ZBTB7C: variants seen among roughly 807,000 people sequenced by gnomAD.
The protein encoded by ZBTB7C is zinc finger and BTB domain containing 7C.
In ZBTB7C, 8 loss-of-function variants were observed where a neutral mutation model predicts 25.7. The ratio of observed to expected loss-of-function variants is 0.31; its 90% CI spans 0.18 to 0.56. The LOEUF is 0.56. ZBTB7C is among the 20% of genes least tolerant of loss of function. ZBTB7C has a pLI of 0.91. For missense variants in ZBTB7C, 824 were observed against 855.2 expected, an observed-to-expected ratio of 0.96 and a Z score of 0.46; for synonymous variants, 394 against 369.0, an observed-to-expected ratio of 1.07 and a Z score of -0.78.
At chr18:48,112,260 C>CT (rs1048802422) in intron 3 of ZBTB7C, among the ~76,000 whole-genome samples, 5,973 of 119,964 alleles carry the variant, frequency 0.05, 162 homozygotes, top group Middle Eastern at 0.065. Flanking sequence ...TAATTTTTTT[C>CT]TTTTTTTTTT....
intron 4 of ZBTB7C, among the ~76,000 whole-genome samples, chr18:48,033,977 A>G (rs1442918893): frequency 6.6e-6 from 1 of 152,092 alleles, no homozygotes; most frequent in Non-Finnish European, 1.5e-5. Flanking sequence ...CATCTGGGTA[A>G]TGGGCTTCTG....
In ZBTB7C at chr18:48,165,030, T is replaced by C. The variant is rs2041195885; in HGVS notation, c.-17+20904A>G. On this transcript the variant is annotated intron_variant, in intron 3 of 4. Coordinates refer to ENST00000590800, the MANE Select transcript of ZBTB7C (RefSeq NM_001318841.2). Reference sequence around the variant, plus strand: ...AGGAAATCTTAAGCCAAAACAATTCTATACATCCTGTTGCTGATCAAGAGG... The same window carrying C: ...AGGAAATCTTAAGCCAAAACAATTCCATACATCCTGTTGCTGATCAAGAGG... The C allele has an allele frequency of 3.3e-6, 4 of 1,221,108 alleles. No individual in the cohort carries two copies. In the Admixed American group the frequency reaches 8.7e-5, roughly 27 times the overall value. 75.6% of individuals were successfully genotyped at this position (1,221,108 alleles called of 1,614,324 possible).
At chr18:48,061,622 T>C (rs927715679) in intron 3 of ZBTB7C, among the ~76,000 whole-genome samples, 2 of 152,172 alleles carry the variant, frequency 1.3e-5, no homozygotes, top group African/African-American at 4.8e-5. Context: ...AACACAAATG[T>C]AGGTAAAATC....
chr18:48,349,198 CA>C (rs1050949685), intron 1 of ZBTB7C, among the ~76,000 whole-genome samples: 4 of 152,186 alleles, frequency 2.6e-5, no homozygotes, highest in African/African-American at 9.6e-5. Flanking sequence ...CCATACCCAT[CA>C]GGGGAGGGAG....
Position 48,041,086 on chromosome 18 carries a change from G to A in ZBTB7C, c.22C>T (p.Leu8Phe), listed in dbSNP as rs1391917873. 6.2e-7 allele frequency: 1 copy of A among 1,604,886 alleles called. No homozygotes were observed. The highest frequency in any genetic ancestry group is 1.7e-5 in the Admixed American group (1 of 59,852). The change falls in exon 4 of 5, where the codon CTC becomes TTC. Residue 8 changes from leucine to phenylalanine, a missense_variant. This residue lies in a region of ZBTB7C where 117 missense variants were observed against 167.7 expected (regional missense o/e 0.70). Transcript: ENST00000590800. MANDIDE[L>F]IGIPFPNHSS... ...TGGTTGGGGAAGGGAATGCCAATGA[G>A]CTCATCAATGTCATTGGCCATGTTC...
chr18:48,232,390 GCCACC>G (rs2043279140), intron 2 of ZBTB7C, among the ~76,000 whole-genome samples: 2 of 152,184 alleles, frequency 1.3e-5, no homozygotes, highest in South Asian at 4.2e-4. Flanking sequence ...GTTGTTTTAA[GCCACC>G]TACTTTGTCA....
At chr18:48,354,135 A>T (rs985498539) in intron 1 of ZBTB7C, among the ~76,000 whole-genome samples, 1 of 152,092 alleles carries the variant, frequency 6.6e-6, no homozygotes, top group Non-Finnish European at 1.5e-5. Flanking sequence ...CTGCACACAA[A>T]ACTCCATCTT....
chr18:48,173,556 G>C (rs1310360522), intron 3 of ZBTB7C, among the ~76,000 whole-genome samples: 1 of 152,168 alleles, frequency 6.6e-6, no homozygotes, highest in South Asian at 2.1e-4. Context: ...ATCTTTCCAA[G>C]GCCTGGCAAA....
intron 2 of ZBTB7C, among the ~76,000 whole-genome samples, chr18:48,319,112 C>CTGTGTGTGTGTGTGTGTGTG (rs143825394): frequency 1.8e-3 from 267 of 147,458 alleles, no homozygotes; most frequent in Non-Finnish European, 2.2e-3. Flanking sequence ...CAGAATGCCT[C>CTGTGTGTGTGTGTGTGTGTG]TGTGTGTGTG....
intron 2 of ZBTB7C, among the ~76,000 whole-genome samples, chr18:48,233,795 T>C (rs1384392732): frequency 6.6e-6 from 1 of 152,178 alleles, no homozygotes; most frequent in Admixed American, 6.5e-5. Flanking sequence ...GTAAATTATA[T>C]CAGCTGCTGC....
intron 3 of ZBTB7C, among the ~76,000 whole-genome samples, chr18:48,121,093 C>G (rs929764302): frequency 5.9e-5 from 9 of 152,236 alleles, no homozygotes; most frequent in African/African-American, 2.2e-4. Context: ...CCCTGCAGAG[C>G]CATGCCCATG....
chr18:48,395,264 AATGT>A (rs747752865), intron 1 of ZBTB7C, among the ~76,000 whole-genome samples: 20 of 97,642 alleles, frequency 2.0e-4, no homozygotes, highest in Non-Finnish European at 2.8e-4. Flanking sequence ...AGAGAGAGAG[AATGT>A]GTGTGTGTGT....
In ZBTB7C at chr18:48,278,138, T is replaced by C. The variant is rs555339999; in HGVS notation, c.-79+60036A>G. Among the ~76,000 whole-genome samples the C allele has an allele frequency of 3.3e-5, 5 of 152,356 alleles. No homozygotes were observed. The East Asian group carries it at 7.7e-4, about 24-fold the overall frequency. ...TCTGACCAACAGAATGTGGCACCAA[T>C]GACCTTCTGGGCTTGACGTGATCTT... On this transcript the variant is annotated intron_variant, in intron 2 of 4. Coordinates refer to ENST00000590800, the MANE Select transcript of ZBTB7C (RefSeq NM_001318841.2).
chr18:48,234,110 T>C (rs947255445), intron 2 of ZBTB7C, among the ~76,000 whole-genome samples: 1 of 151,412 alleles, frequency 6.6e-6, no homozygotes, highest in African/African-American at 2.4e-5. Context: ...TCCCCTTTTA[T>C]CCCAATCTCA....
chr18:48,181,593 C>T lies in ZBTB7C; in HGVS notation c.-17+4341G>A, dbSNP rs899030248. Among the ~76,000 whole-genome samples the T allele has an allele frequency of 3.3e-5, 5 of 152,234 alleles. No homozygotes were observed. The South Asian group carries it at 6.2e-4, about 19-fold the overall frequency. On this transcript the variant is annotated intron_variant, in intron 3 of 4. Transcript: ENST00000590800. ...GGACTGGAACCCAGACCCCCTGCCT[C>T]CCTACCCACAGCTCTTTCAGCTCCC...
chr18:48,194,830 G>T (rs1474298271), intron 2 of ZBTB7C, among the ~76,000 whole-genome samples: 1 of 151,304 alleles, frequency 6.6e-6, no homozygotes, highest in Non-Finnish European at 1.5e-5. Context: ...ATGAGGAGGA[G>T]TGGGTGCTGG....
intron 2 of ZBTB7C, among the ~76,000 whole-genome samples, chr18:48,245,484 A>G (rs987086981): frequency 1.2e-4 from 15 of 127,098 alleles, no homozygotes; most frequent in African/African-American, 4.4e-4. Context: ...AAAAAAATAG[A>G]TCAAGACACC....
intron 3 of ZBTB7C, among the ~76,000 whole-genome samples, chr18:48,064,091 A>G (rs553433520): frequency 4.2e-4 from 64 of 152,284 alleles, no homozygotes; most frequent in Admixed American, 8.5e-4. Context: ...CTACTGGGAA[A>G]CAGAAGCAGG....
intron 2 of ZBTB7C, among the ~76,000 whole-genome samples, chr18:48,290,634 A>G (rs1243452968): frequency 1.3e-5 from 2 of 152,154 alleles, no homozygotes; most frequent in Non-Finnish European, 2.9e-5. Flanking sequence ...AACAGGATCT[A>G]TTGTTGGAGT....
Sources: allele counts gnomAD v4.1 joint callset (sites outside exome capture counted in the v4.1 genomes callset), GRCh38; gene constraint gnomAD v4.1.1; regional missense constraint gnomAD v4.1.1; transcripts MANE v1.5; gene names NCBI Gene and HGNC (gene_info 2026-07-23, HGNC 2026-07-21).